The following GCN1 variants were observed in gnomAD, a reference collection of about 807,000 sequenced individuals.
GCN1 encodes GCN1 activator of EIF2AK4.
Under a neutral mutation model 288.4 loss-of-function variants are expected in GCN1, and 90 were observed. That is an observed-to-expected ratio of 0.31 (90% CI 0.26 to 0.37). GCN1 has a LOEUF of 0.37. GCN1 is among the 10% of genes least tolerant of loss of function. The pLI is 1.00. For synonymous variants in GCN1, 1,386 were observed against 1,420.2 expected, an observed-to-expected ratio of 0.98 and a Z score of 0.54; for missense variants, 2,586 against 3,419.9, an observed-to-expected ratio of 0.76 and a Z score of 6.08.
Position 120,142,840 on chromosome 12 carries a change from G to T in GCN1, c.5597C>A (p.Thr1866Asn). 1 of 1,611,916 alleles carries T rather than the reference G, an allele frequency of 6.2e-7. No homozygotes were observed. The highest frequency in any genetic ancestry group is 1.3e-5 in the African/African-American group (1 of 75,018). ...TGCAGGCACCTTGTTGGACTGGGCA[G>T]TTCCAAAGTTATCATCCTCAGAGGC... ...ETASEDDNFGTAQSNKAIITA... is the reference protein window; with the variant it reads ...ETASEDDNFGNAQSNKAIITA... Residue 1866 changes from threonine (T) to asparagine (N), a missense_variant, in exon 43 of 58, where the codon ACT (threonine) becomes AAT (asparagine). Physicochemically the swap from Thr to Asn is moderately conservative, Grantham distance 65. This residue lies in a region of GCN1 where 437 missense variants were observed against 570.5 expected (regional missense o/e 0.77). Coordinates refer to ENST00000300648, the MANE Select transcript of GCN1 (RefSeq NM_006836.2). This position sits in a 1 kb window ranked among gnomAD's most constrained non-coding sequence, Gnocchi z 4.9.
chr12:120,175,126 C>CAAAA lies in GCN1; in HGVS notation c.1093+32_1093+35dup, dbSNP rs58560211. The stretch of plus-strand genomic sequence containing the variant: ...TAGATGACACAGCAAGACTTTCTCT[C>CAAAA]AAAAAAAAAAAAAAAAAAAAAAAGA... On this transcript the variant is annotated intron_variant, in intron 12 of 57. Coordinates refer to ENST00000300648, the MANE Select transcript of GCN1 (RefSeq NM_006836.2). 2.4e-4 allele frequency: 257 copies of CAAAA among 1,064,742 alleles called. 4 individuals carry two copies. Among genetic ancestry groups the CAAAA allele is most frequent in the South Asian group, 5.1e-4 (36 of 70,088 alleles). 66.0% of individuals were successfully genotyped at this position (1,064,742 alleles called of 1,614,324 possible).
intron 13 of GCN1, 115 bp from the exon 14 acceptor site, chr12:120,173,941 G>A: frequency 9.7e-7 from 1 of 1,036,084 alleles, no homozygotes; most frequent in Non-Finnish European, 1.5e-6. Flanking sequence ...TGATATTTCA[G>A]ACAGCTACGA....
At position 120,144,222 on chromosome 12, in the gene GCN1, T is replaced by C; in HGVS notation, c.5495+84A>G. On this transcript the variant is annotated intron_variant, in intron 42 of 57. Coordinates refer to ENST00000300648, the MANE Select transcript of GCN1 (RefSeq NM_006836.2). The surrounding 1 kb of genome is among the most constrained non-coding windows in gnomAD (Gnocchi z 4.7). ...AACTCCTGGGTTTAAGCAATCCTCC[T>C]GCCTCGGCTTTCCAGAGTGCTCGGA... 6.8e-7 allele frequency: 1 copy of C among 1,475,966 alleles called. No individual in the cohort carries two copies. The highest frequency in any genetic ancestry group is 9.5e-7 in the Non-Finnish European group (1 of 1,057,894). The allele number at this position is 1,475,966 out of a possible 1,614,324, so 91.4% of individuals were successfully genotyped here. A position where few individuals can be genotyped will look rare whatever the true frequency, so the allele number is the denominator to read the frequency against.
intron 5 of GCN1, 59 bp downstream of exon 5, chr12:120,183,510 A>G: frequency 1.9e-6 from 2 of 1,058,242 alleles, no homozygotes; most frequent in Non-Finnish European, 3.0e-6. Context: ...GTGCTGAAAC[A>G]TGCTCTAACT....
chr12:120,165,600 T>C (rs1878097434), intron 16 of GCN1, among the ~76,000 whole-genome samples: 1 of 152,032 alleles, frequency 6.6e-6, no homozygotes, highest in Admixed American at 6.6e-5. Flanking sequence ...CCTGAGTAGC[T>C]GGGATTACAG....
At position 120,145,074 on chromosome 12, in the gene GCN1, C is replaced by G. The variant is rs116051473; in HGVS notation, c.5017-13G>C. ...ATACGGTCCGCACCTGTCAGGTAAC[C>G]GAGAGCAGAGATGGTGTGAGAAGAT... On this transcript the variant is annotated splice_polypyrimidine_tract_variant and intron_variant, in intron 39 of 57. Transcript: ENST00000300648. 6,933 of 1,613,874 alleles carry G rather than the reference C, an allele frequency of 4.3e-3. 290 individuals carry two copies. In the African/African-American group the frequency reaches 0.082, roughly 19 times the overall value.
intron 15 of GCN1, among the ~76,000 whole-genome samples, chr12:120,168,694 C>T (rs923100272): frequency 6.6e-6 from 1 of 152,190 alleles, no homozygotes; most frequent in Non-Finnish European, 1.5e-5. Context: ...AGTTCAAATG[C>T]TTCCTCCATG....
rs182697666 is a variant in GCN1 at position 120,138,863 on chromosome 12, T to C, written c.5995-7A>G. 16 of 1,605,216 alleles carry C rather than the reference T, an allele frequency of 1.0e-5. No individual in the cohort carries two copies. In the African/African-American group the frequency reaches 2.0e-4, roughly 20 times the overall value. ...ATTCAGAGAAATACAGCACCTGCAA[T>C]GGCAAGCTACAACTGTACCAGATGC... On this transcript the variant is annotated splice_polypyrimidine_tract_variant and splice_region_variant and intron_variant, in intron 45 of 57. Coordinates refer to ENST00000300648, the MANE Select transcript of GCN1 (RefSeq NM_006836.2).
chr12:120,145,189 G>T, intron 39 of GCN1, 73 bp downstream of exon 39: 1 of 1,548,494 alleles, frequency 6.5e-7, no homozygotes, highest in Non-Finnish European at 8.8e-7. Context: ...GCAGCTTTGG[G>T]GAATTCTCAG....
intron 57 of GCN1, among the ~76,000 whole-genome samples, chr12:120,128,742 A>G (rs1876703805): frequency 6.6e-6 from 1 of 151,376 alleles, no homozygotes; most frequent in South Asian, 2.1e-4. Flanking sequence ...TTTGGGTGTC[A>G]TGTGAGATTT....
intron 16 of GCN1, among the ~76,000 whole-genome samples, chr12:120,165,234 A>C (rs1201280996): frequency 1.3e-5 from 2 of 151,834 alleles, no homozygotes; most frequent in Admixed American, 6.6e-5. Flanking sequence ...ACTGGGTTTC[A>C]CCATGTTAGC....
Position 120,194,687 on chromosome 12 carries a change from T to C in GCN1, c.11A>G (p.Asp4Gly), listed in dbSNP as rs1182651395. 4 of 1,512,690 alleles carry C rather than the reference T, an allele frequency of 2.6e-6. No individual in the cohort carries two copies. In the Admixed American group the frequency reaches 6.1e-5, roughly 23 times the overall value. The allele number at this position is 1,512,690 out of a possible 1,614,324, so 93.7% of individuals were successfully genotyped here. MAA[D>G]TQVSETLKRF... ...CGCAGCCGCCCGCCTCACCTGCGTG[T>C]CCGCCGCCATCCTGCCGGGGCTGAC... is the stretch of plus-strand genomic sequence containing the variant. The change falls in exon 1 of 58, where the codon GAC becomes GGC. Residue 4 changes from aspartate (D) to glycine (G), a missense_variant. Asp to Gly is a moderately conservative substitution (Grantham distance 94, BLOSUM62 -1). This residue lies in a region of GCN1 where 913 missense variants were observed against 1,107.0 expected (regional missense o/e 0.82). Coordinates refer to ENST00000300648, the MANE Select transcript of GCN1 (RefSeq NM_006836.2).
chr12:120,155,204 A>C lies in GCN1; in HGVS notation c.3630+37T>G, dbSNP rs1877702712. The C allele has an allele frequency of 1.2e-6, 2 of 1,600,358 alleles. No individual in the cohort carries two copies. The highest frequency in any genetic ancestry group is 4.5e-5 in the East Asian group (2 of 44,752). ...TGAGCAGAGACCCACCCAACCGCAC[A>C]CACCCAGACTGCATCAGGGCTGCAC... is the stretch of plus-strand genomic sequence containing the variant. On this transcript the variant is annotated intron_variant, in intron 30 of 57. Coordinates refer to ENST00000300648, the MANE Select transcript of GCN1 (RefSeq NM_006836.2). The surrounding 1 kb of genome is among the most constrained non-coding windows in gnomAD (Gnocchi z 4.9).
chr12:120,152,648 C>T (rs1228544166), intron 33 of GCN1, among the ~76,000 whole-genome samples: 2 of 137,654 alleles, frequency 1.5e-5, no homozygotes, highest in Non-Finnish European at 3.1e-5. Context: ...CACACACACA[C>T]ACACACACAC....
intron 2 of GCN1, 119 bp from the exon 3 acceptor site, chr12:120,185,006 C>A: frequency 1.4e-6 from 1 of 692,976 alleles, no homozygotes; most frequent in Admixed American, 2.3e-5. Flanking sequence ...TATTTAAGAC[C>A]TTCCTCCCCA....
intron 9 of GCN1, among the ~76,000 whole-genome samples, chr12:120,176,776 C>CT (rs200263756): frequency 0.024 from 3,697 of 151,304 alleles, 153 homozygotes; most frequent in African/African-American, 0.084. Context: ...TTTTCTCTTT[C>CT]TTTTTTTTTG....
intron 10 of GCN1, 115 bp downstream of exon 10, chr12:120,176,028 G>A (rs1196931452): frequency 7.8e-7 from 1 of 1,274,580 alleles, no homozygotes; most frequent in African/African-American, 1.5e-5. Flanking sequence ...ATGTAGTTTA[G>A]GTTAGGGCCT....
rs781543392 is a variant in GCN1, at chr12:120,174,163, C to T, written c.1100G>A (p.Gly367Glu). Residue 367 changes from glycine to glutamate, a missense_variant, in exon 13 of 58, where the codon GGG becomes GAG. By Grantham distance (98) the Gly-to-Glu change is moderately conservative. Coordinates refer to ENST00000300648, the MANE Select transcript of GCN1 (RefSeq NM_006836.2). ...AQKMSVLSGIGSVSHHVVSGP... is the reference protein window; with the variant it reads ...AQKMSVLSGIESVSHHVVSGP... The stretch of plus-strand genomic sequence containing the variant: ...AGACACCACGTGATGACTGACGCTC[C>T]CAATCCCTAAAAGGCAGATTCCCTG... 1 of 1,581,660 alleles carries T rather than the reference C, an allele frequency of 6.3e-7. No homozygotes were observed. Among genetic ancestry groups the T allele is most frequent in the Admixed American group, 1.7e-5 (1 of 59,974 alleles).
chr12:120,142,837 G>A lies in GCN1; in HGVS notation c.5600C>T (p.Ala1867Val). Residue 1867 changes from alanine (A) to valine (V), a missense_variant, in exon 43 of 58, where the codon GCC becomes GTC. By Grantham distance (64) the Ala-to-Val change is moderately conservative. This residue lies in a region of GCN1 where 437 missense variants were observed against 570.5 expected (regional missense o/e 0.77). Coordinates refer to ENST00000300648, the MANE Select transcript of GCN1 (RefSeq NM_006836.2). The surrounding 1 kb of genome is among the most constrained non-coding windows in gnomAD (Gnocchi z 4.9). ...TASEDDNFGTAQSNKAIITAL... is the reference protein window; with the variant it reads ...TASEDDNFGTVQSNKAIITAL... ...CACTGCAGGCACCTTGTTGGACTGG[G>A]CAGTTCCAAAGTTATCATCCTCAGA... 1 of 1,610,876 alleles carries A rather than the reference G, an allele frequency of 6.2e-7. No individual in the cohort carries two copies. The highest frequency in any genetic ancestry group is 8.5e-7 in the Non-Finnish European group (1 of 1,176,972).
Sources: allele counts gnomAD v4.1 joint callset (sites outside exome capture counted in the v4.1 genomes callset), GRCh38; gene constraint gnomAD v4.1.1; regional missense constraint gnomAD v4.1.1; non-coding constraint Gnocchi (gnomAD v3.1); transcripts MANE v1.5; gene names NCBI Gene and HGNC (gene_info 2026-07-23, HGNC 2026-07-21).